Variants in RPH3A observed in about 807,000 individuals in gnomAD.
The protein encoded by RPH3A is rabphilin 3A.
In RPH3A, 48 loss-of-function variants were observed where a neutral mutation model predicts 102.2. That is an observed-to-expected ratio of 0.47 (90% CI 0.37 to 0.60). RPH3A has a LOEUF of 0.60. Among genes scored for constraint, RPH3A ranks in the 20% least tolerant of loss-of-function variants. The pLI, the probability that RPH3A is intolerant of heterozygous loss-of-function variation, is 0.00. For missense variants in RPH3A, 781 were observed against 910.1 expected (o/e 0.86, Z 1.83); for synonymous variants, 310 against 324.3 (o/e 0.96, Z 0.47).
At chr12:112,638,043 C>T (rs980420139) in intron 1 of RPH3A, among the ~76,000 whole-genome samples, 3 of 152,124 alleles carry the variant, frequency 2.0e-5, no homozygotes, top group African/African-American at 4.8e-5. Context: ...GTTTGGGTCA[C>T]GGGTCTGGAC....
intron 1 of RPH3A, among the ~76,000 whole-genome samples, chr12:112,707,060 T>C (rs1454298345): frequency 6.6e-6 from 1 of 152,210 alleles, no homozygotes; most frequent in Non-Finnish European, 1.5e-5. Flanking sequence ...TTTTAAACAG[T>C]GCTTCTTGCC....
intron 1 of RPH3A, among the ~76,000 whole-genome samples, chr12:112,767,461 T>C (rs899487323): frequency 2.6e-5 from 4 of 152,166 alleles, no homozygotes; most frequent in African/African-American, 9.7e-5. Context: ...TGGCGTGGCA[T>C]TCGGGTCTCA....
intron 1 of RPH3A, among the ~76,000 whole-genome samples, chr12:112,693,428 C>T (rs1002424965): frequency 6.6e-6 from 1 of 152,184 alleles, no homozygotes; most frequent in Non-Finnish European, 1.5e-5. Context: ...CTTTCTGATG[C>T]CATTACTTAC....
At chr12:112,702,239 C>T (rs935110570) in intron 1 of RPH3A, among the ~76,000 whole-genome samples, 11 of 152,234 alleles carry the variant, frequency 7.2e-5, no homozygotes, top group Non-Finnish European at 1.3e-4. Context: ...CTAACATCAT[C>T]GCCTCTTCCC....
chr12:112,601,767 A>G (rs1262874803), intron 1 of RPH3A, among the ~76,000 whole-genome samples: 2 of 152,090 alleles, frequency 1.3e-5, no homozygotes, highest in Non-Finnish European at 2.9e-5. Context: ...CCACGTCTCT[A>G]TAAAAAACAA....
At chr12:112,670,742 A>G (rs1324944613) in intron 1 of RPH3A, among the ~76,000 whole-genome samples, 1 of 152,158 alleles carries the variant, frequency 6.6e-6, no homozygotes, top group Non-Finnish European at 1.5e-5. Context: ...TTTACCATCT[A>G]TTTCAAGCTT....
intron 4 of RPH3A, among the ~76,000 whole-genome samples, 189 bp downstream of exon 4, chr12:112,836,691 A>T (rs959071292): frequency 3.2e-4 from 48 of 149,876 alleles, no homozygotes; most frequent in African/African-American, 1.0e-3. Flanking sequence ...TTATAAAATT[A>T]AAAAAAAAAC....
At chr12:112,648,623 T>C (rs890627671) in intron 1 of RPH3A, among the ~76,000 whole-genome samples, 1 of 136,244 alleles carries the variant, frequency 7.3e-6, no homozygotes, top group African/African-American at 2.9e-5. Context: ...CACATGTCTG[T>C]AGTCCCAGCT....
At chr12:112,846,067 G>C (rs562035802) in intron 4 of RPH3A, among the ~76,000 whole-genome samples, 2 of 152,214 alleles carry the variant, frequency 1.3e-5, no homozygotes. Context: ...GGAGCAAGGG[G>C]CAATGAGGAC....
At chr12:112,764,272 C>T (rs1395385203) in intron 1 of RPH3A, among the ~76,000 whole-genome samples, 1 of 152,166 alleles carries the variant, frequency 6.6e-6, no homozygotes. Context: ...AGAATGCAGG[C>T]TCAGAGAATG....
intron 1 of RPH3A, among the ~76,000 whole-genome samples, chr12:112,680,865 C>T (rs1244967094): frequency 2.0e-5 from 3 of 151,892 alleles, no homozygotes. Context: ...TCCTTCTCCT[C>T]CTCCTTCTCT....
chr12:112,863,860 G>A (rs2042563890), intron 5 of RPH3A, among the ~76,000 whole-genome samples: 1 of 152,218 alleles, frequency 6.6e-6, no homozygotes. Flanking sequence ...TATGTGTGGG[G>A]AGTGAGCTGC....
chr12:112,709,219 A>G (rs1270180432), intron 1 of RPH3A, among the ~76,000 whole-genome samples: 1 of 152,210 alleles, frequency 6.6e-6, no homozygotes, highest in Non-Finnish European at 1.5e-5. Flanking sequence ...TCTTAGTTCC[A>G]GTAAATACTT....
chr12:112,662,577 G>A (rs918103001), intron 1 of RPH3A, among the ~76,000 whole-genome samples: 4 of 152,154 alleles, frequency 2.6e-5, no homozygotes, highest in South Asian at 2.1e-4. Flanking sequence ...CTTGGAAGGG[G>A]CCAGTTAGCA....
intron 1 of RPH3A, among the ~76,000 whole-genome samples, chr12:112,602,707 T>C (rs1339475924): frequency 6.6e-6 from 1 of 152,090 alleles, no homozygotes; most frequent in African/African-American, 2.4e-5. Flanking sequence ...GAGGATTGCT[T>C]GAGCCCAGAA....
At chr12:112,794,973 A>G (rs1446559353) in intron 2 of RPH3A, among the ~76,000 whole-genome samples, 1 of 152,156 alleles carries the variant, frequency 6.6e-6, no homozygotes, top group Non-Finnish European at 1.5e-5. Flanking sequence ...GGCAGGAGAG[A>G]GGCAGCAGAC....
chr12:112,751,947 G>A (rs774310125), intron 1 of RPH3A, among the ~76,000 whole-genome samples: 8 of 152,078 alleles, frequency 5.3e-5, no homozygotes, highest in Non-Finnish European at 7.4e-5. Context: ...ACATATTGTA[G>A]GACAAAATCA....
intron 11 of RPH3A, 136 bp from the exon 12 acceptor site, chr12:112,875,543 G>T: frequency 1.4e-6 from 1 of 699,886 alleles, no homozygotes; most frequent in East Asian, 2.8e-5. Flanking sequence ...CTCCCAGTGG[G>T]ACTGTTTCTG....
chr12:112,837,119 G>A (rs1211396700), intron 4 of RPH3A, among the ~76,000 whole-genome samples: 1 of 152,152 alleles, frequency 6.6e-6, no homozygotes. Context: ...CTTCAGTTGC[G>A]TGCACACATT....
Sources: allele counts gnomAD v4.1 joint callset (sites outside exome capture counted in the v4.1 genomes callset), GRCh38; gene constraint gnomAD v4.1.1; transcripts MANE v1.5; gene names NCBI Gene and HGNC (gene_info 2026-07-23, HGNC 2026-07-21).